UPK1B: variants seen among roughly 807,000 people sequenced by gnomAD.
UPK1B encodes the protein uroplakin 1B, also known as uroplakin-1b.
UPK1B carries 28 observed loss-of-function variants against 34.2 expected under a neutral mutation model. That is an observed-to-expected ratio of 0.82 (90% confidence interval 0.61 to 1.12). The LOEUF is 1.12. Among genes scored for constraint, UPK1B ranks in the 50% most tolerant of loss-of-function variants. UPK1B has a pLI of 0.00. For synonymous variants in UPK1B, 81 were observed against 110.4 expected (o/e 0.73, Z 1.67); for missense variants, 325 against 320.9 (o/e 1.01, Z -0.10).
intron 6 of UPK1B, among the ~76,000 whole-genome samples, chr3:119,194,717 C>G (rs1474228264): frequency 1.3e-5 from 2 of 152,184 alleles, no homozygotes; most frequent in Admixed American, 6.5e-5. Flanking sequence ...AAGTTTTGCT[C>G]TAGTTTTGCA....
At chr3:119,173,966 T>C (rs1045558623) in intron 1 of UPK1B, among the ~76,000 whole-genome samples, 9 of 152,206 alleles carry the variant, frequency 5.9e-5, no homozygotes, top group Admixed American at 4.6e-4. Context: ...AGAAACCCTA[T>C]ATCTCCTGAT....
rs572655724 is a variant in UPK1B at position 119,185,349 on chromosome 3, G to T, written c.-28-1365G>T. Among the ~76,000 whole-genome samples the T allele has an allele frequency of 4.2e-4, 64 of 152,272 alleles. 1 individual carries two copies. In the South Asian group the frequency reaches 0.012, roughly 29 times the overall value. On this transcript the variant is annotated intron_variant, in intron 1 of 7. Coordinates refer to ENST00000264234, the MANE Select transcript of UPK1B (RefSeq NM_006952.4). ...AAGGCTTGAGACAAATAGAAGGTTT[G>T]CCTCCCACTGCTACCCTACAAAACT...
chr3:119,200,439 T>G (rs1046917571), intron 7 of UPK1B, among the ~76,000 whole-genome samples: 1 of 152,266 alleles, frequency 6.6e-6, no homozygotes, highest in Admixed American at 6.5e-5. Context: ...TGTTAAAATA[T>G]ATTACATTGG....
chr3:119,201,396 C>T (rs1055354009), intron 7 of UPK1B, among the ~76,000 whole-genome samples: 2 of 152,024 alleles, frequency 1.3e-5, no homozygotes, highest in African/African-American at 4.8e-5. Flanking sequence ...TGGCAGAAGG[C>T]GAAGTAGGAG....
chr3:119,191,363 G>A (rs2078043454), intron 5 of UPK1B, among the ~76,000 whole-genome samples: 1 of 152,084 alleles, frequency 6.6e-6, no homozygotes, highest in African/African-American at 2.4e-5. Context: ...TTCGCCTTTT[G>A]GGTACCTCTT....
At chr3:119,179,548 C>T (rs1413416355) in intron 1 of UPK1B, among the ~76,000 whole-genome samples, 7 of 100,146 alleles carry the variant, frequency 7.0e-5, no homozygotes, top group East Asian at 3.3e-4. Flanking sequence ...CTCGCTCTGT[C>T]GCCCAGGCTG....
chr3:119,182,694 T>C (rs1249027996), intron 1 of UPK1B, among the ~76,000 whole-genome samples: 1 of 152,200 alleles, frequency 6.6e-6, no homozygotes, highest in African/African-American at 2.4e-5. Context: ...TGTGAGCCAC[T>C]GGAAGCCTAC....
Position 119,186,787 on chromosome 3 carries a change from A to C in UPK1B, c.46A>C (p.Ile16Leu). The change falls in exon 2 of 8, where the codon ATT (isoleucine) becomes CTT (leucine). Residue 16 changes from isoleucine to leucine, a missense_variant. By Grantham distance (5) the Ile-to-Leu change is conservative. Transcript: ENST00000264234. Reference sequence around the variant, plus strand: ...TGTTCGTTGCTTCCAGGGCCTGCTGATTTTTGGAAATGTGATTATTGGTGT... The same window carrying C: ...TGTTCGTTGCTTCCAGGGCCTGCTGCTTTTTGGAAATGTGATTATTGGTGT... ...STVRCFQGLL[I>L]FGNVIIGCCG... is the part of the protein sequence containing the mutation. 1 of 1,614,130 alleles carries C rather than the reference A, an allele frequency of 6.2e-7. No individual in the cohort carries two copies. The highest frequency in any genetic ancestry group is 8.5e-7 in the Non-Finnish European group (1 of 1,180,006).
intron 7 of UPK1B, among the ~76,000 whole-genome samples, chr3:119,202,045 C>T (rs2078093473): frequency 6.6e-6 from 1 of 152,146 alleles, no homozygotes; most frequent in African/African-American, 2.4e-5. Flanking sequence ...AGTTAATTCC[C>T]TCTTGAAATT....
chr3:119,194,111 A>G (rs1319606542), intron 5 of UPK1B, 108 bp from the exon 6 acceptor site: 4 of 1,079,574 alleles, frequency 3.7e-6, no homozygotes, highest in African/African-American at 1.6e-5. Context: ...TAAATGTAAG[A>G]TATGGTACAC....
At chr3:119,185,727 A>G (rs3806696) in intron 1 of UPK1B, among the ~76,000 whole-genome samples, 3 of 152,208 alleles carry the variant, frequency 2.0e-5, no homozygotes, top group East Asian at 3.8e-4. Flanking sequence ...TATTTACAGC[A>G]GGAATGCATG....
intron 7 of UPK1B, among the ~76,000 whole-genome samples, chr3:119,202,022 A>T (rs2107439236): frequency 6.6e-6 from 1 of 152,232 alleles, no homozygotes; most frequent in East Asian, 1.9e-4. Flanking sequence ...AGTATCAAAT[A>T]AACTCTAGAT....
chr3:119,186,599 TA>T, intron 1 of UPK1B, 114 bp from the exon 2 acceptor site: 1 of 720,892 alleles, frequency 1.4e-6, no homozygotes, highest in Non-Finnish European at 2.3e-6. Context: ...CCTTCATCGC[TA>T]AAAGATTATA....
rs923030511 is a variant in UPK1B, at chr3:119,203,775, T to C, written c.733-142T>C. ...TACATGTATCCTGTTTTTGTTTTGGTTTTTTAGAAGAAATAAAAACAAACA... is the reference window on the plus strand; with the variant it reads ...TACATGTATCCTGTTTTTGTTTTGGCTTTTTAGAAGAAATAAAAACAAACA... On this transcript the variant is annotated intron_variant, in intron 7 of 7. Coordinates refer to ENST00000264234, the MANE Select transcript of UPK1B (RefSeq NM_006952.4). 11 of 854,408 alleles carry C rather than the reference T, an allele frequency of 1.3e-5. No homozygotes were observed. The African/African-American group carries it at 1.7e-4, about 13-fold the overall frequency. 52.9% of individuals were successfully genotyped at this position (854,408 alleles called of 1,614,324 possible).
chr3:119,192,077 C>T (rs1202882109), intron 5 of UPK1B, among the ~76,000 whole-genome samples: 1 of 152,198 alleles, frequency 6.6e-6, no homozygotes, highest in Non-Finnish European at 1.5e-5. Flanking sequence ...CCTCCACCCT[C>T]TTCCATGACC....
At chr3:119,182,316 G>A (rs1186016833) in intron 1 of UPK1B, among the ~76,000 whole-genome samples, 1 of 152,204 alleles carries the variant, frequency 6.6e-6, no homozygotes, top group Non-Finnish European at 1.5e-5. Flanking sequence ...CCTTGGCTGT[G>A]AGACCAGTCA....
Position 119,198,625 on chromosome 3 carries a change from G to C in UPK1B, c.649-432G>C, listed in dbSNP as rs989429182. 3.5e-4 allele frequency among the ~76,000 whole-genome samples: 53 copies of C among 152,172 alleles called. 3 individuals are homozygous for C. The highest frequency in any genetic ancestry group is 3.4e-3 in the Admixed American group (52 of 15,278). ...ATGATTATTAAAAATGGCAACAGGG[G>C]ACCTCTGGTTTTCATGGACAGAAGC... is the stretch of plus-strand genomic sequence containing the variant. On this transcript the variant is annotated intron_variant, in intron 6 of 7. Coordinates refer to ENST00000264234, the MANE Select transcript of UPK1B (RefSeq NM_006952.4).
rs753504836 is a variant in UPK1B at position 119,187,870 on chromosome 3, C to T, written c.165C>T (p.Ile55=). 1.8e-5 allele frequency: 29 copies of T among 1,614,034 alleles called. No individual in the cohort carries two copies. Among genetic ancestry groups the T allele is most frequent in the Non-Finnish European group, 2.1e-5 (25 of 1,180,038 alleles). Residue 55 remains isoleucine, a synonymous_variant, in exon 3 of 8, where the codon ATC becomes ATT. Transcript: ENST00000264234. ...TTGAAGCCACCGACAACGATGACAT[C>T]TATGGGGCTGCCTGGATCGGCATAT... The part of the protein sequence containing the change: ...PLLEATDNDD[I]YGAAWIGIFV...
At chr3:119,179,357 A>C (rs1224286324) in intron 1 of UPK1B, among the ~76,000 whole-genome samples, 5 of 20,964 alleles carry the variant, frequency 2.4e-4, no homozygotes, top group South Asian at 4.8e-3. Flanking sequence ...AGGGAGATAT[A>C]TATATATATA....
Sources: gnomAD v4.1 joint callset for allele counts (sites outside exome capture counted in the v4.1 genomes callset) on GRCh38, gnomAD v4.1.1 for gene constraint, MANE v1.5 for transcripts, NCBI Gene and HGNC (gene_info 2026-07-23, HGNC 2026-07-21) for gene names.